LMNTD1: variants seen among roughly 807,000 people sequenced by gnomAD.
The protein encoded by LMNTD1 is lamin tail domain containing 1, also known as lamin tail domain-containing protein 1.
A neutral mutation model predicts 50.9 loss-of-function variants in LMNTD1; 35 were observed. That is an observed-to-expected ratio of 0.69 (90% CI 0.53 to 0.91). LMNTD1 has a LOEUF of 0.91. LMNTD1 is among the 40% of genes least tolerant of loss of function. The pLI, the probability that LMNTD1 is intolerant of heterozygous loss-of-function variation, is 0.00. For synonymous variants in LMNTD1, 153 were observed against 161.9 expected (o/e 0.94, Z 0.42); for missense variants, 470 against 475.5 (o/e 0.99, Z 0.11).
chr12:25,494,486 TAA>T (rs1217447872), intron 9 of LMNTD1, among the ~76,000 whole-genome samples: 1 of 152,136 alleles, frequency 6.6e-6, no homozygotes, highest in African/African-American at 2.4e-5. Context: ...CTACGAAAAG[TAA>T]AAGTTTAGGA....
chr12:25,595,092 T>G (rs1370671677), intron 1 of LMNTD1, among the ~76,000 whole-genome samples: 1 of 151,994 alleles, frequency 6.6e-6, no homozygotes, highest in Non-Finnish European at 1.5e-5. Flanking sequence ...AAACAATTAC[T>G]AAGAGACCTA....
chr12:25,626,858 T>C (rs1946601485), intron 1 of LMNTD1, among the ~76,000 whole-genome samples: 1 of 152,224 alleles, frequency 6.6e-6, no homozygotes, highest in Non-Finnish European at 1.5e-5. Context: ...TGAGAATACA[T>C]CAAATAATGT....
chr12:25,530,450 T>C (rs1002873293), intron 4 of LMNTD1, among the ~76,000 whole-genome samples: 2 of 152,216 alleles, frequency 1.3e-5, no homozygotes, highest in African/African-American at 4.8e-5. Context: ...GCTTTGTTTG[T>C]ATGTATATAT....
At chr12:25,542,488 G>A (rs1164458815) in intron 4 of LMNTD1, among the ~76,000 whole-genome samples, 1 of 145,164 alleles carries the variant, frequency 6.9e-6, no homozygotes, top group Non-Finnish European at 1.5e-5. Context: ...ACCAAACACT[G>A]CATATTCTCA....
chr12:25,514,892 T>A (rs1257605562), intron 8 of LMNTD1, among the ~76,000 whole-genome samples: 3 of 152,160 alleles, frequency 2.0e-5, no homozygotes, highest in Non-Finnish European at 2.9e-5. Context: ...GGCACATAAT[T>A]TAAGATTCTG....
intron 1 of LMNTD1, among the ~76,000 whole-genome samples, chr12:25,621,643 T>G (rs1222864751): frequency 1.3e-5 from 2 of 152,182 alleles, no homozygotes; most frequent in Non-Finnish European, 2.9e-5. Flanking sequence ...TGTTCCCCTA[T>G]TTTTCCTTTC....
chr12:25,629,439 C>T (rs999203630), intron 1 of LMNTD1, among the ~76,000 whole-genome samples: 3 of 152,148 alleles, frequency 2.0e-5, no homozygotes, highest in Non-Finnish European at 2.9e-5. Flanking sequence ...CTAATCAGCC[C>T]GAATCCAAAT....
At chr12:25,601,781 TATTA>T (rs1945983290) in intron 1 of LMNTD1, among the ~76,000 whole-genome samples, 1 of 151,946 alleles carries the variant, frequency 6.6e-6, no homozygotes, top group Non-Finnish European at 1.5e-5. Context: ...TTGACTTATT[TATTA>T]ATTTATTTAC....
At position 25,519,975 on chromosome 12, in the gene LMNTD1, C is replaced by A; in HGVS notation, c.899G>T (p.Arg300Leu). 6.2e-7 allele frequency: 1 copy of A among 1,613,364 alleles called. No homozygotes were observed. Among genetic ancestry groups the A allele is most frequent in the South Asian group, 1.1e-5 (1 of 91,038 alleles). ...TGCTGTCCACTGAAACACACGCTTT[C>A]GGAATGTTGGAGATACTACTGAACA... ...NRCSVVSPTF[R>L]KRVFQWTAST... is the part of the protein sequence containing the mutation. Residue 300 changes from arginine (R) to leucine (L), a missense_variant, in exon 7 of 10, where the codon CGA becomes CTA. By Grantham distance (102) the Arg-to-Leu change is moderately radical. Coordinates refer to ENST00000458174, the MANE Select transcript of LMNTD1 (RefSeq NM_001145728.2).
At chr12:25,520,516 A>G (rs1488451972) in intron 6 of LMNTD1, among the ~76,000 whole-genome samples, 1 of 152,146 alleles carries the variant, frequency 6.6e-6, no homozygotes, top group Non-Finnish European at 1.5e-5. Context: ...ACTCAGCATA[A>G]TGTCCTCCAG....
In LMNTD1 at chr12:25,531,172, C is replaced by T. The variant is rs1357023604; in HGVS notation, c.492-4217G>A. On this transcript the variant is annotated intron_variant, in intron 4 of 9. Transcript: ENST00000458174. ...ATGGAAGCAGATTTATTTCAGTGTC[C>T]AGATAAGAGCCTATTTAACATCTTA... Among the ~76,000 whole-genome samples the T allele has an allele frequency of 2.6e-5, 4 of 152,154 alleles. 1 individual carries two copies. Among genetic ancestry groups the T allele is most frequent in the Non-Finnish European group, 5.9e-5 (4 of 68,022 alleles).
intron 9 of LMNTD1, among the ~76,000 whole-genome samples, chr12:25,482,098 G>A (rs1056944058): frequency 9.2e-5 from 14 of 151,724 alleles, no homozygotes; most frequent in African/African-American, 3.4e-4. Flanking sequence ...AGGATAAAAT[G>A]GATGCAAAAA....
intron 1 of LMNTD1, among the ~76,000 whole-genome samples, chr12:25,639,791 A>G (rs1446628668): frequency 3.3e-5 from 5 of 151,850 alleles, no homozygotes; most frequent in African/African-American, 1.2e-4. Context: ...CGGCAATTCC[A>G]CACCTAGATC....
At position 25,552,884 on chromosome 12, in the gene LMNTD1, C is replaced by T. The variant is rs960260874; in HGVS notation, c.76G>A (p.Glu26Lys). ...NKVHEQEDKN[E>K]KQKQREDKLG... ...ATGCATGCTCACTGTTTTTGTTTCT[C>T]ATTCTTATCTTCCTGCTCATGGACT... The change falls in exon 2 of 10, where the codon GAG becomes AAG. Residue 26 changes from glutamate (E) to lysine (K), a missense_variant. Glu to Lys is a moderately conservative substitution (Grantham distance 56, BLOSUM62 1). Coordinates refer to ENST00000458174, the MANE Select transcript of LMNTD1 (RefSeq NM_001145728.2). The T allele has an allele frequency of 1.3e-6, 2 of 1,547,292 alleles. No individual in the cohort carries two copies. Among genetic ancestry groups the T allele is most frequent in the Non-Finnish European group, 8.8e-7 (1 of 1,142,830 alleles).
At chr12:25,619,250 C>CTATATATATA (rs1185194793) in intron 1 of LMNTD1, among the ~76,000 whole-genome samples, 12 of 79,410 alleles carry the variant, frequency 1.5e-4, no homozygotes, top group South Asian at 8.7e-4. Context: ...CTCTCTCTCT[C>CTATATATATA]TCTATATATA....
chr12:25,641,438 C>T (rs964557142), intron 1 of LMNTD1, among the ~76,000 whole-genome samples: 20 of 152,118 alleles, frequency 1.3e-4, no homozygotes, highest in Admixed American at 1.2e-3. Flanking sequence ...CAAATATTGT[C>T]TGTGGCACTT....
chr12:25,577,612 A>G (rs1390802782), intron 1 of LMNTD1, among the ~76,000 whole-genome samples: 1 of 152,168 alleles, frequency 6.6e-6, no homozygotes, highest in South Asian at 2.1e-4. Flanking sequence ...CTAAATATAC[A>G]ATCATGTCAT....
chr12:25,490,367 G>T (rs949706886), intron 9 of LMNTD1, among the ~76,000 whole-genome samples: 1 of 151,938 alleles, frequency 6.6e-6, no homozygotes, highest in Non-Finnish European at 1.5e-5. Flanking sequence ...TTTTTCAAGG[G>T]CCTCATTTCT....
chr12:25,630,143 A>C (rs1427991808), intron 1 of LMNTD1, among the ~76,000 whole-genome samples: 1 of 152,232 alleles, frequency 6.6e-6, no homozygotes, highest in Admixed American at 6.5e-5. Flanking sequence ...ATCCAACGCT[A>C]TATGCTCTGG....
Sources: allele counts gnomAD v4.1 joint callset (sites outside exome capture counted in the v4.1 genomes callset), GRCh38; gene constraint gnomAD v4.1.1; transcripts MANE v1.5; gene names NCBI Gene and HGNC (gene_info 2026-07-23, HGNC 2026-07-21).